ENTREP2: variants seen among roughly 807,000 people sequenced by gnomAD.
ENTREP2 encodes the protein endosomal transmembrane epsin interactor 2, also known as protein ENTREP2.
At chr15:29,546,779 C>T in the ENTREP2 span, among the ~76,000 whole-genome samples, 1 of 150,708 alleles carries the variant, frequency 6.6e-6, no homozygotes, top group Non-Finnish European at 1.5e-5. Flanking sequence ...CCCAGCTACT[C>T]GGGAGGCTGA....
chr15:29,292,805 G>T, the ENTREP2 span, among the ~76,000 whole-genome samples: 2 of 152,186 alleles, frequency 1.3e-5, no homozygotes, highest in African/African-American at 4.8e-5. Context: ...AAAGGAGAGG[G>T]CTAGAGAGAG....
At chr15:29,322,071 G>A in the ENTREP2 span, among the ~76,000 whole-genome samples, 1 of 151,994 alleles carries the variant, frequency 6.6e-6, no homozygotes, top group Non-Finnish European at 1.5e-5. Flanking sequence ...AAAGAAAAGA[G>A]CTTTGAAGAA....
At chr15:29,345,317 G>A in the ENTREP2 span, among the ~76,000 whole-genome samples, 1 of 152,156 alleles carries the variant, frequency 6.6e-6, no homozygotes, top group Non-Finnish European at 1.5e-5. Flanking sequence ...CAGGAGTAAT[G>A]CCAGGGTCCT....
At chr15:29,269,548 C>T in the ENTREP2 span, 1 of 1,512,728 alleles carries the variant, frequency 6.6e-7, no homozygotes, top group South Asian at 1.2e-5. Flanking sequence ...GCCGCCCGGC[C>T]CGCGGGACGT....
chr15:29,326,494 G>A, the ENTREP2 span, among the ~76,000 whole-genome samples: 1 of 151,808 alleles, frequency 6.6e-6, no homozygotes, highest in Non-Finnish European at 1.5e-5. Context: ...GAAATACTTA[G>A]GTATAAATCT....
At chr15:29,265,790 T>A in the ENTREP2 span, 1 of 152,196 alleles carries the variant, frequency 6.6e-6, no homozygotes, top group Admixed American at 6.5e-5. Flanking sequence ...GATGAAAAAC[T>A]GGTGCTAGGC....
the ENTREP2 span, among the ~76,000 whole-genome samples, chr15:29,359,596 A>T: frequency 6.6e-6 from 1 of 152,158 alleles, no homozygotes; most frequent in Non-Finnish European, 1.5e-5. Context: ...TATTTTTAGT[A>T]GAGGCGGGGT....
the ENTREP2 span, among the ~76,000 whole-genome samples, chr15:29,565,189 C>T: frequency 6.6e-6 from 1 of 152,116 alleles, no homozygotes; most frequent in African/African-American, 2.4e-5. Flanking sequence ...AATGAAATAT[C>T]TTTCTGCTTC....
chr15:29,517,293 C>T, the ENTREP2 span, among the ~76,000 whole-genome samples: 1 of 152,254 alleles, frequency 6.6e-6, no homozygotes, highest in Admixed American at 6.5e-5. Context: ...TATAATAACT[C>T]AACTGTTAGA....
At chr15:29,190,779 A>G in the ENTREP2 span, among the ~76,000 whole-genome samples, 1 of 152,216 alleles carries the variant, frequency 6.6e-6, no homozygotes, top group African/African-American at 2.4e-5. Context: ...TTTAATATGG[A>G]AAATTCAGAC....
At chr15:29,212,837 T>C in the ENTREP2 span, among the ~76,000 whole-genome samples, 2 of 152,268 alleles carry the variant, frequency 1.3e-5, no homozygotes, top group Admixed American at 6.5e-5. Flanking sequence ...GCCATTACTT[T>C]TGGTGTTTTA....
At chr15:29,570,610 C>A in the ENTREP2 span, 3 of 1,449,252 alleles carry the variant, frequency 2.1e-6, no homozygotes, top group Non-Finnish European at 2.7e-6. Context: ...GCGCCATCTG[C>A]GTGGCCCCGA....
chr15:29,549,595 A>G, the ENTREP2 span, among the ~76,000 whole-genome samples: 2 of 152,102 alleles, frequency 1.3e-5, no homozygotes, highest in African/African-American at 4.8e-5. Flanking sequence ...CAGTTTCCAT[A>G]ATTCAAGAGT....
chr15:29,439,316 CACACACACACACACACAA>C, the ENTREP2 span, among the ~76,000 whole-genome samples: 75 of 150,320 alleles, frequency 5.0e-4, 1 homozygote, highest in Non-Finnish European at 9.3e-4. Context: ...CACACACACA[CACACACACACACACACAA>C]ACAGTAGAGG....
chr15:29,400,637 A>G, the ENTREP2 span, among the ~76,000 whole-genome samples: 44 of 152,354 alleles, frequency 2.9e-4, no homozygotes, highest in African/African-American at 1.0e-3. Flanking sequence ...TAAAACATAA[A>G]TATTTGAGAA....
At chr15:29,675,316 C>A in the ENTREP2 span, 5 of 152,358 alleles carry the variant, frequency 3.3e-5, no homozygotes, top group Non-Finnish European at 7.3e-5. Context: ...GGGATGGGAA[C>A]TCCCACGCAG....
chr15:29,149,596 A>G, the ENTREP2 span, among the ~76,000 whole-genome samples: 1 of 152,202 alleles, frequency 6.6e-6, no homozygotes, highest in Non-Finnish European at 1.5e-5. Flanking sequence ...GACTCATCCC[A>G]TCAGCAGCTC....
At chr15:29,358,856 A>G in the ENTREP2 span, among the ~76,000 whole-genome samples, 15 of 152,202 alleles carry the variant, frequency 9.9e-5, no homozygotes, top group African/African-American at 3.6e-4. Flanking sequence ...ATAATAACTC[A>G]ATCCCTTATT....
the ENTREP2 span, among the ~76,000 whole-genome samples, chr15:29,564,175 G>T: frequency 1.3e-5 from 2 of 151,610 alleles, no homozygotes; most frequent in African/African-American, 4.9e-5. Flanking sequence ...ATCTGTGAAA[G>T]ACTCAAAATA....
Sources: gnomAD v4.1 joint callset for allele counts (sites outside exome capture counted in the v4.1 genomes callset) on GRCh38, gnomAD v4.1.1 for gene constraint, MANE v1.5 for transcripts, NCBI Gene and HGNC (gene_info 2026-07-23, HGNC 2026-07-21) for gene names.